Variants in ZNF320 observed in about 807,000 individuals in gnomAD.
The protein encoded by ZNF320 is zinc finger gene 320.
ZNF320 carries 2 observed loss-of-function variants against 6.8 expected under a neutral mutation model. That is an observed-to-expected ratio of 0.29 (90% confidence interval 0.12 to 0.93). The LOEUF (loss-of-function observed/expected upper bound fraction) is 0.93, where lower values mean the gene tolerates loss of function less well. Ranked by LOEUF, ZNF320 falls within the 40% of genes least tolerant of loss-of-function variation. The pLI is 0.55. For missense variants in ZNF320, 472 were observed against 611.0 expected, an observed-to-expected ratio of 0.77 and a Z score of 2.40; for synonymous variants, 208 against 203.2, an observed-to-expected ratio of 1.02 and a Z score of -0.20.
At position 52,890,126 on chromosome 19, in the gene ZNF320, T is replaced by C; in HGVS notation, c.15+115A>G. Reference sequence around the variant, plus strand: ...AGGGACTGAGGGAAGGCATGGGTGATTGTGAGCAAACCTGTCAGGCAGGAT... The same window carrying C: ...AGGGACTGAGGGAAGGCATGGGTGACTGTGAGCAAACCTGTCAGGCAGGAT... On this transcript the variant is annotated intron_variant, in intron 4 of 5. Coordinates refer to ENST00000682928, the MANE Select transcript of ZNF320 (RefSeq NM_001351774.2). The C allele has an allele frequency of 5.4e-6, 8 of 1,477,418 alleles. No homozygotes were observed. In the East Asian group the frequency reaches 1.1e-4, roughly 21 times the overall value. 91.5% of individuals were successfully genotyped at this position (1,477,418 alleles called of 1,614,324 possible).
exon 6 of ZNF320, among the ~76,000 whole-genome samples, chr19:52,860,987 A>G (rs1419207948): frequency 6.7e-6 from 1 of 149,610 alleles, no homozygotes; most frequent in Non-Finnish European, 1.5e-5. Flanking sequence ...TCTGGGCGAC[A>G]GAGTGAGATT....
intron 1 of ZNF320, among the ~76,000 whole-genome samples, chr19:52,896,224 T>G (rs2064467453): frequency 2.0e-5 from 3 of 152,060 alleles, no homozygotes; most frequent in Admixed American, 2.0e-4. Flanking sequence ...CCTGAGTAGC[T>G]GGGATTACAG....
At chr19:52,862,045 G>T in exon 6 of ZNF320, 1 of 378,690 alleles carries the variant, frequency 2.6e-6, no homozygotes, top group South Asian at 2.1e-5. Context: ...CTGATGAACT[G>T]CAAGTTATGA....
At chr19:52,903,418 G>A in the ZNF320 span, among the ~76,000 whole-genome samples, 15 of 151,654 alleles carry the variant, frequency 9.9e-5, no homozygotes, top group Non-Finnish European at 1.8e-4. Flanking sequence ...TTTAACTACT[G>A]TGGGGGGCGG....
chr19:52,866,063 TA>T (rs2063560470), intron 5 of ZNF320, among the ~76,000 whole-genome samples: 1 of 128,244 alleles, frequency 7.8e-6, no homozygotes, highest in African/African-American at 3.1e-5. Flanking sequence ...ATTATACATA[TA>T]TTTATATATA....
rs181186819 is a variant in ZNF320 at position 52,863,629 on chromosome 19, C to G, written c.*400G>C. Among the ~76,000 whole-genome samples the G allele has an allele frequency of 5.5e-3, 830 of 149,624 alleles. 10 individuals carry two copies. The highest frequency in any genetic ancestry group is 0.02 in the African/African-American group (793 of 40,664). On this transcript the variant is annotated 3_prime_UTR_variant, in exon 6 of 6. Coordinates refer to the ZNF320 transcript ENST00000673631. ...AAAAAGGAAAAAAAAAAAAAAAGAA[C>G]TAAAATATGGGAATCTCATTCAACC...
At chr19:52,874,167 A>T (rs1489231576), downstream of ZNF320, 2 of 219,938 alleles carry the variant, frequency 9.1e-6, no homozygotes, top group Non-Finnish European at 1.9e-5. Flanking sequence ...CCTGGGAGAA[A>T]GACAGCCCTC....
chr19:52,901,376 G>A (rs1473610179), upstream of ZNF320, among the ~76,000 whole-genome samples: 3 of 152,204 alleles, frequency 2.0e-5, 1 homozygote, highest in Non-Finnish European at 4.4e-5. Context: ...CCTGCGATGA[G>A]TTTCTTCCTG....
At chr19:52,896,337 C>T (rs768281063) in intron 1 of ZNF320, among the ~76,000 whole-genome samples, 14 of 152,192 alleles carry the variant, frequency 9.2e-5, no homozygotes, top group African/African-American at 2.9e-4. Flanking sequence ...GTGATCTGCC[C>T]GCCTTGGCCT....
At chr19:52,894,600 G>A (rs777814686) in intron 1 of ZNF320, among the ~76,000 whole-genome samples, 7 of 151,856 alleles carry the variant, frequency 4.6e-5, no homozygotes, top group Non-Finnish European at 8.8e-5. Context: ...GAGGCCAGGC[G>A]CGGTGGCTCA....
chr19:52,895,975 C>T (rs2064458356), intron 1 of ZNF320, among the ~76,000 whole-genome samples: 1 of 151,970 alleles, frequency 6.6e-6, no homozygotes, highest in East Asian at 1.9e-4. Context: ...ATATATACAT[C>T]TAAAAATGTA....
At chr19:52,862,365 G>C (rs1332417010) in exon 6 of ZNF320, 1 of 510,402 alleles carries the variant, frequency 2.0e-6, no homozygotes, top group Non-Finnish European at 4.0e-6. Flanking sequence ...TTTCTCTCCA[G>C]TATGAATTCA....
upstream of ZNF320, among the ~76,000 whole-genome samples, chr19:52,901,317 G>T (rs2147916731): frequency 6.6e-6 from 1 of 152,278 alleles, no homozygotes; most frequent in South Asian, 2.1e-4. Flanking sequence ...TCTGAGGAAG[G>T]TCAGTTGAAG....
chr19:52,875,197 ACT>A (rs1338339160), downstream of ZNF320, among the ~76,000 whole-genome samples: 1 of 152,230 alleles, frequency 6.6e-6, no homozygotes, highest in Non-Finnish European at 1.5e-5. Context: ...CCAGAAATAC[ACT>A]GTCACCCTCA....
chr19:52,895,420 GCCATTGCA>G (rs1413033559), intron 1 of ZNF320: 1 of 152,592 alleles, frequency 6.6e-6, no homozygotes, highest in Non-Finnish European at 1.5e-5. Flanking sequence ...CCAAGATCGC[GCCATTGCA>G]CTCCAGCCTG....
chr19:52,867,697 C>T (rs1015639162), intron 5 of ZNF320, among the ~76,000 whole-genome samples: 2 of 150,604 alleles, frequency 1.3e-5, no homozygotes, highest in South Asian at 2.1e-4. Flanking sequence ...CAGAAACATC[C>T]GCCTCCTGGG....
At chr19:52,900,924 A>T (rs67958880), upstream of ZNF320, among the ~76,000 whole-genome samples, 158 of 40,406 alleles carry the variant, frequency 3.9e-3, no homozygotes, top group African/African-American at 9.0e-3. Context: ...TTTTTTTTTT[A>T]ACTGTGTAAC....
intron 5 of ZNF320, among the ~76,000 whole-genome samples, chr19:52,864,826 A>C (rs1448258586): frequency 6.6e-6 from 1 of 150,982 alleles, no homozygotes; most frequent in African/African-American, 2.4e-5. Flanking sequence ...ATCCTGGCTA[A>C]CACAGTGAAA....
rs1352494402 is a variant in ZNF320 at position 52,876,182 on chromosome 19, C to T, written c.*4414G>A. ...AGAAAGAAGATGGAATAATAGGCTA[C>T]TTCAACTAAATTTTAATGTTAGCAT... On this transcript the variant is annotated 3_prime_UTR_variant, in exon 6 of 6. Transcript: ENST00000682928. The T allele has an allele frequency of 6.6e-6, 1 of 152,170 alleles. No individual in the cohort carries two copies. Among genetic ancestry groups the T allele is most frequent in the African/African-American group, 2.4e-5 (1 of 41,432 alleles). 9.4% of individuals were successfully genotyped at this position (152,170 alleles called of 1,614,324 possible).
Sources: gnomAD v4.1 joint callset for allele counts (sites outside exome capture counted in the v4.1 genomes callset) on GRCh38, gnomAD v4.1.1 for gene constraint, MANE v1.5 for transcripts, NCBI Gene and HGNC (gene_info 2026-07-23, HGNC 2026-07-21) for gene names.